Variants in BMP6 observed in about 807,000 individuals in gnomAD.
BMP6 encodes VG-1-R.
A neutral mutation model predicts 54.1 loss-of-function variants in BMP6; 17 were observed. The ratio of observed to expected loss-of-function variants is 0.31; its 90% CI spans 0.22 to 0.47. BMP6 has a LOEUF of 0.47. Among genes scored for constraint, BMP6 ranks in the 20% least tolerant of loss-of-function variants. The probability of loss-of-function intolerance (pLI) is 1.00; values close to 1 mark genes in which losing one functional copy is unlikely to be tolerated. For missense variants in BMP6, 720 were observed against 690.4 expected (o/e 1.04, Z -0.48); for synonymous variants, 328 against 291.2 (o/e 1.13, Z -1.28).
intron 1 of BMP6, among the ~76,000 whole-genome samples, chr6:7,840,819 A>G (rs1006862746): frequency 5.3e-5 from 8 of 152,176 alleles, no homozygotes; most frequent in Admixed American, 3.3e-4. Flanking sequence ...TCTAGGAATT[A>G]TTGCCTCAGA....
At chr6:7,800,753 T>C (rs958667391) in intron 1 of BMP6, among the ~76,000 whole-genome samples, 1 of 152,226 alleles carries the variant, frequency 6.6e-6, no homozygotes, top group Admixed American at 6.5e-5. Context: ...TATTGGACTT[T>C]GTTTTACAAA....
intron 1 of BMP6, among the ~76,000 whole-genome samples, chr6:7,758,711 G>A (rs1448606917): frequency 6.6e-6 from 1 of 152,188 alleles, no homozygotes; most frequent in East Asian, 1.9e-4. Context: ...GAAGAAAAAC[G>A]CAGCCCTTGG....
chr6:7,856,689 C>T lies in BMP6; in HGVS notation c.858-4762C>T, dbSNP rs991951423. On this transcript the variant is annotated intron_variant, in intron 2 of 6. Coordinates refer to ENST00000283147, the MANE Select transcript of BMP6 (RefSeq NM_001718.6). Reference sequence around the variant, plus strand: ...TCGGCTCACTGCAAGCTCCGCCTCCCGGGTTCACGCCATTCTCCTGCCTCA... The same window carrying T: ...TCGGCTCACTGCAAGCTCCGCCTCCTGGGTTCACGCCATTCTCCTGCCTCA... Among the ~76,000 whole-genome samples, 34 of 141,954 alleles carry T rather than the reference C, an allele frequency of 2.4e-4. 1 individual carries two copies. Among genetic ancestry groups the T allele is most frequent in the East Asian group, 1.8e-3 (8 of 4,528 alleles). The allele number at this position is 141,954 out of a possible 152,430, so 93.1% of individuals were successfully genotyped here.
At chr6:7,767,922 G>T (rs1384115335) in intron 1 of BMP6, among the ~76,000 whole-genome samples, 1 of 152,126 alleles carries the variant, frequency 6.6e-6, no homozygotes, top group East Asian at 1.9e-4. Context: ...TCTATGATTA[G>T]GTCTGGGTCT....
intron 4 of BMP6, among the ~76,000 whole-genome samples, chr6:7,865,081 C>G (rs538934512): frequency 1.3e-5 from 2 of 152,210 alleles, no homozygotes; most frequent in South Asian, 4.2e-4. Flanking sequence ...TACCCCCCAC[C>G]CAATGCACAC....
chr6:7,875,356 A>G (rs942806679), intron 4 of BMP6, among the ~76,000 whole-genome samples: 1 of 152,152 alleles, frequency 6.6e-6, no homozygotes, highest in Non-Finnish European at 1.5e-5. Flanking sequence ...TCTTCCAGAA[A>G]TACCTTCACA....
intron 4 of BMP6, among the ~76,000 whole-genome samples, chr6:7,873,147 A>G (rs191084779): frequency 1.3e-5 from 2 of 152,256 alleles, no homozygotes; most frequent in East Asian, 3.9e-4. Context: ...CACAGGCCCA[A>G]GTGAAAGGGC....
chr6:7,850,271 T>A (rs533902549), intron 2 of BMP6, among the ~76,000 whole-genome samples: 1 of 152,230 alleles, frequency 6.6e-6, no homozygotes, highest in East Asian at 1.9e-4. Flanking sequence ...GCCTCCCGAG[T>A]AGCTGGGACT....
chr6:7,768,725 C>T (rs1295223035), intron 1 of BMP6, among the ~76,000 whole-genome samples: 1 of 152,168 alleles, frequency 6.6e-6, no homozygotes, highest in African/African-American at 2.4e-5. Flanking sequence ...GCAAGGTGTT[C>T]CTCTTTATTT....
At chr6:7,760,232 G>C (rs1757593286) in intron 1 of BMP6, among the ~76,000 whole-genome samples, 1 of 151,860 alleles carries the variant, frequency 6.6e-6, no homozygotes, top group East Asian at 1.9e-4. Flanking sequence ...TGACCTTCAA[G>C]TATATTTTTT....
intron 1 of BMP6, among the ~76,000 whole-genome samples, chr6:7,767,480 C>T (rs991345707): frequency 1.3e-5 from 2 of 152,262 alleles, no homozygotes; most frequent in South Asian, 2.1e-4. Context: ...AAGTGTAGGT[C>T]TGAGCCCCAC....
intron 1 of BMP6, among the ~76,000 whole-genome samples, chr6:7,837,333 G>A (rs1199140865): frequency 2.6e-5 from 4 of 151,916 alleles, no homozygotes; most frequent in Admixed American, 2.6e-4. Flanking sequence ...ATCTTTATTA[G>A]CATCAAACAA....
At chr6:7,790,288 G>A (rs577970148) in intron 1 of BMP6, among the ~76,000 whole-genome samples, 1 of 152,208 alleles carries the variant, frequency 6.6e-6, no homozygotes, top group East Asian at 1.9e-4. Context: ...GCGGAAGCAG[G>A]CGGATCTCTT....
At chr6:7,869,342 T>C (rs1248380269) in intron 4 of BMP6, among the ~76,000 whole-genome samples, 1 of 152,270 alleles carries the variant, frequency 6.6e-6, no homozygotes, top group Non-Finnish European at 1.5e-5. Flanking sequence ...TGGGCTCCTT[T>C]GCACTTCGCT....
rs564547873 is a variant in BMP6 at position 7,748,538 on chromosome 6, T to C, written c.664+20919T>C. Among the ~76,000 whole-genome samples the C allele has an allele frequency of 4.6e-5, 7 of 152,308 alleles. No individual in the cohort carries two copies. In the East Asian group the frequency reaches 1.4e-3, roughly 29 times the overall value. ...CTGGCACTTGAGCAGCTCATGCTTA[T>C]GAGAGAAACCTACGAGGCTGAAGCA... On this transcript the variant is annotated intron_variant, in intron 1 of 6. Coordinates refer to ENST00000283147, the MANE Select transcript of BMP6 (RefSeq NM_001718.6).
intron 1 of BMP6, among the ~76,000 whole-genome samples, chr6:7,815,535 TTACTTTTGCTAAGA>T (rs1182922874): frequency 6.6e-6 from 1 of 152,254 alleles, no homozygotes; most frequent in Non-Finnish European, 1.5e-5. Context: ...TTTTGCTAAG[TTACTTTTGCTAAGA>T]ATTAACATGG....
Position 7,863,516 on chromosome 6 carries a change from G to A in BMP6, c.1204+1018G>A, listed in dbSNP as rs565543168. Among the ~76,000 whole-genome samples the A allele has an allele frequency of 3.8e-4, 58 of 152,314 alleles. 1 individual carries two copies. In the South Asian group the frequency reaches 0.012, roughly 32 times the overall value. On this transcript the variant is annotated intron_variant, in intron 4 of 6. Transcript: ENST00000283147. ...CTTCTTCAGCAGAAATCCAGGGCAC[G>A]ACTCCGGTTGGCTTGGCTGGGGTTG...
chr6:7,875,132 G>C (rs1759588570), intron 4 of BMP6, among the ~76,000 whole-genome samples: 2 of 152,086 alleles, frequency 1.3e-5, no homozygotes, highest in African/African-American at 4.8e-5. Context: ...GTACTGGGGA[G>C]GGCTGCTGGT....
intron 1 of BMP6, among the ~76,000 whole-genome samples, chr6:7,788,853 T>G (rs1191986347): frequency 6.6e-6 from 1 of 150,820 alleles, no homozygotes; most frequent in Non-Finnish European, 1.5e-5. Context: ...CTCCCACCCC[T>G]TATTCCATCC....
Sources: allele counts gnomAD v4.1 joint callset (sites outside exome capture counted in the v4.1 genomes callset), GRCh38; gene constraint gnomAD v4.1.1; transcripts MANE v1.5; gene names NCBI Gene and HGNC (gene_info 2026-07-23, HGNC 2026-07-21).